SPATA16: variants seen among roughly 807,000 people sequenced by gnomAD.
SPATA16 encodes the protein spermatogenesis associated 16.
A neutral mutation model predicts 63.3 loss-of-function variants in SPATA16; 36 were observed. The observed-to-expected ratio is 0.57, with a 90% CI of 0.44 to 0.75. The LOEUF is 0.75. SPATA16 is among the 30% of genes least tolerant of loss of function. SPATA16 has a pLI of 0.00. For synonymous variants in SPATA16, 203 were observed against 216.7 expected (o/e 0.94, Z 0.56); for missense variants, 646 against 679.3 (o/e 0.95, Z 0.54).
At chr3:173,057,661 C>T (rs1057075245) in intron 2 of SPATA16, among the ~76,000 whole-genome samples, 1 of 152,102 alleles carries the variant, frequency 6.6e-6, no homozygotes, top group Non-Finnish European at 1.5e-5. Context: ...AACATCTGGC[C>T]CTAGAGTCTG....
chr3:173,124,524 A>G (rs1314887623), intron 1 of SPATA16, among the ~76,000 whole-genome samples: 2 of 152,158 alleles, frequency 1.3e-5, no homozygotes, highest in Non-Finnish European at 2.9e-5. Flanking sequence ...TGCAATTGTC[A>G]TCTTTCCATA....
chr3:173,069,999 A>C (rs1207041528), intron 2 of SPATA16, among the ~76,000 whole-genome samples: 3 of 152,012 alleles, frequency 2.0e-5, no homozygotes, highest in Non-Finnish European at 4.4e-5. Flanking sequence ...CCTGAACTTG[A>C]TAAAAGCCAT....
chr3:173,091,928 T>C (rs1463536367), intron 2 of SPATA16, among the ~76,000 whole-genome samples: 1 of 152,084 alleles, frequency 6.6e-6, no homozygotes, highest in African/African-American at 2.4e-5. Context: ...TCCAGAATAT[T>C]TATATAGAGA....
At chr3:173,119,930 A>C (rs1282850245) in intron 1 of SPATA16, among the ~76,000 whole-genome samples, 1 of 152,156 alleles carries the variant, frequency 6.6e-6, no homozygotes, top group East Asian at 1.9e-4. Context: ...TGTACTAAAA[A>C]TACAAAATTA....
chr3:173,094,900 G>A (rs1737316070), intron 2 of SPATA16, among the ~76,000 whole-genome samples: 1 of 152,128 alleles, frequency 6.6e-6, no homozygotes, highest in South Asian at 2.1e-4. Context: ...ACATGTTCAC[G>A]TTAATGTGTG....
At chr3:173,120,202 C>A (rs1738024540) in intron 1 of SPATA16, among the ~76,000 whole-genome samples, 1 of 152,102 alleles carries the variant, frequency 6.6e-6, no homozygotes, top group African/African-American at 2.4e-5. Flanking sequence ...ACTGTCTTGG[C>A]CATCACTTTA....
At chr3:173,136,054 C>T (rs558203159) in intron 1 of SPATA16, among the ~76,000 whole-genome samples, 1 of 152,164 alleles carries the variant, frequency 6.6e-6, no homozygotes, top group African/African-American at 2.4e-5. Flanking sequence ...ACAACCTTTG[C>T]ATTGTCTAAG....
intron 2 of SPATA16, among the ~76,000 whole-genome samples, chr3:173,095,457 A>G (rs1404146269): frequency 6.6e-6 from 1 of 152,078 alleles, no homozygotes; most frequent in East Asian, 1.9e-4. Context: ...GTAAATATCT[A>G]CCTATGTATA....
At chr3:173,090,433 G>A (rs972458168) in intron 2 of SPATA16, among the ~76,000 whole-genome samples, 2 of 152,118 alleles carry the variant, frequency 1.3e-5, no homozygotes, top group African/African-American at 4.8e-5. Flanking sequence ...CCAGTCTCAG[G>A]TATTTCTTTA....
chr3:173,050,895 A>C (rs1401930820), intron 2 of SPATA16, among the ~76,000 whole-genome samples: 3 of 152,242 alleles, frequency 2.0e-5, no homozygotes, highest in African/African-American at 7.2e-5. Context: ...AAACATTTAA[A>C]CCAGATTTAG....
At chr3:172,984,830 C>T (rs1218755219) in intron 4 of SPATA16, among the ~76,000 whole-genome samples, 4 of 152,176 alleles carry the variant, frequency 2.6e-5, no homozygotes, top group African/African-American at 9.7e-5. Context: ...CAAAAAACAA[C>T]GGTACTACTA....
At chr3:172,946,421 C>T (rs1009219994) in intron 6 of SPATA16, among the ~76,000 whole-genome samples, 1 of 152,002 alleles carries the variant, frequency 6.6e-6, no homozygotes, top group African/African-American at 2.4e-5. Flanking sequence ...GGCTACTAGA[C>T]AGTATTTCTG....
intron 3 of SPATA16, among the ~76,000 whole-genome samples, chr3:173,042,035 T>A (rs1735852640): frequency 6.6e-6 from 1 of 152,172 alleles, no homozygotes; most frequent in Admixed American, 6.5e-5. Context: ...TCCTATTACT[T>A]CTATTATGAA....
intron 10 of SPATA16, among the ~76,000 whole-genome samples, chr3:172,911,188 C>A (rs764565340): frequency 6.6e-6 from 1 of 152,184 alleles, no homozygotes; most frequent in African/African-American, 2.4e-5. Context: ...GTAGTAGCAG[C>A]CAAATTTAGT....
At chr3:173,099,229 A>G (rs1410760592) in intron 2 of SPATA16, among the ~76,000 whole-genome samples, 1 of 152,074 alleles carries the variant, frequency 6.6e-6, no homozygotes, top group Non-Finnish European at 1.5e-5. Context: ...ATATTTTGAG[A>G]GAAAGAGACA....
chr3:172,893,978 T>A (rs1471260615), intron 10 of SPATA16, among the ~76,000 whole-genome samples: 2 of 152,192 alleles, frequency 1.3e-5, no homozygotes, highest in African/African-American at 4.8e-5. Context: ...AAAGTTTTTT[T>A]AAAGAAGAAA....
At chr3:173,049,231 G>T (rs1000507252) in intron 2 of SPATA16, 137 bp from the exon 3 acceptor site, 9 of 832,288 alleles carry the variant, frequency 1.1e-5, no homozygotes, top group African/African-American at 1.7e-5. Flanking sequence ...TATGTTAAAA[G>T]TATATATGAT....
chr3:173,017,284 C>T (rs1380421373), intron 4 of SPATA16, among the ~76,000 whole-genome samples: 2 of 152,164 alleles, frequency 1.3e-5, no homozygotes, highest in African/African-American at 4.8e-5. Context: ...GAAGCATTAT[C>T]AGGTCAGTCA....
intron 2 of SPATA16, among the ~76,000 whole-genome samples, chr3:173,097,039 A>G (rs965934618): frequency 1.3e-5 from 2 of 152,154 alleles, no homozygotes; most frequent in African/African-American, 4.8e-5. Flanking sequence ...GTCCAAAAAT[A>G]TTAAGTGGAA....
Sources: allele counts gnomAD v4.1 joint callset (sites outside exome capture counted in the v4.1 genomes callset), GRCh38; gene constraint gnomAD v4.1.1; transcripts MANE v1.5; gene names NCBI Gene and HGNC (gene_info 2026-07-23, HGNC 2026-07-21).